PSPH: variants seen among roughly 807,000 people sequenced by gnomAD.
The protein encoded by PSPH is L-3-phosphoserine phosphatase.
In PSPH, 16 loss-of-function variants were observed where a neutral mutation model predicts 23.4. The ratio of observed to expected loss-of-function variants is 0.68; its 90% confidence interval spans 0.46 to 1.04. The LOEUF (loss-of-function observed/expected upper bound fraction) is 1.04, where lower values mean the gene tolerates loss of function less well. Ranked by LOEUF, PSPH falls within the 50% of genes least tolerant of loss-of-function variation. The pLI is 0.00. For synonymous variants in PSPH, 68 were observed against 99.7 expected (o/e 0.68, Z 1.89); for missense variants, 223 against 273.7 (o/e 0.81, Z 1.31).
At chr7:56,020,728 C>CTGA (rs1789260636) in intron 4 of PSPH, among the ~76,000 whole-genome samples, 1 of 151,104 alleles carries the variant, frequency 6.6e-6, no homozygotes, top group African/African-American at 2.4e-5. Context: ...GAGAGGGGAT[C>CTGA]TGACCCAGGA....
chr7:56,044,185 G>C (rs183434009), intron 1 of PSPH, among the ~76,000 whole-genome samples: 2 of 152,176 alleles, frequency 1.3e-5, no homozygotes, highest in East Asian at 3.9e-4. Context: ...CAGGTGGTCT[G>C]TCCACCTTGG....
intron 3 of PSPH, among the ~76,000 whole-genome samples, chr7:56,025,220 A>G (rs1241500458): frequency 6.6e-6 from 1 of 152,078 alleles, no homozygotes; most frequent in Non-Finnish European, 1.5e-5. Flanking sequence ...ATACACATAC[A>G]CACACATTTT....
At chr7:56,031,795 C>A (rs1429111090) in intron 3 of PSPH, 134 bp downstream of exon 3, 1 of 153,318 alleles carries the variant, frequency 6.5e-6, no homozygotes, top group African/African-American at 2.4e-5. Flanking sequence ...GCCTAGGCGA[C>A]AAAGCAAGAC....
At chr7:56,042,043 T>A (rs1474353354) in intron 1 of PSPH, among the ~76,000 whole-genome samples, 1 of 151,440 alleles carries the variant, frequency 6.6e-6, no homozygotes, top group African/African-American at 2.4e-5. Context: ...GCCAACAGGG[T>A]GAAACCTCGT....
intron 3 of PSPH, among the ~76,000 whole-genome samples, chr7:56,023,447 A>G (rs1183547352): frequency 3.3e-5 from 5 of 151,752 alleles, no homozygotes; most frequent in African/African-American, 1.2e-4. Context: ...TTTTTTGAAG[A>G]GATGGGGGTC....
At chr7:56,045,683 C>T (rs1016719760) in intron 1 of PSPH, among the ~76,000 whole-genome samples, 6 of 151,670 alleles carry the variant, frequency 4.0e-5, no homozygotes, top group Admixed American at 1.3e-4. Context: ...GTCAGGATAT[C>T]GAGACCATCC....
intron 7 of PSPH, among the ~76,000 whole-genome samples, chr7:56,013,058 T>C (rs1447526703): frequency 1.1e-5 from 1 of 90,174 alleles, no homozygotes; most frequent in Non-Finnish European, 2.6e-5. Context: ...CACATATATG[T>C]ATATGTGTAT....
intron 5 of PSPH, among the ~76,000 whole-genome samples, chr7:56,018,375 G>A (rs1201343648): frequency 6.6e-6 from 1 of 151,850 alleles, no homozygotes; most frequent in African/African-American, 2.4e-5. Flanking sequence ...AAAACAATGG[G>A]TAGGGTTTGT....
chr7:56,038,807 C>T (rs1021685788), intron 1 of PSPH, among the ~76,000 whole-genome samples: 1 of 152,016 alleles, frequency 6.6e-6, no homozygotes, highest in African/African-American at 2.4e-5. Flanking sequence ...CGCCACTGCA[C>T]TCCAGCCTGG....
In PSPH at chr7:56,015,153, T is replaced by G; in HGVS notation, c.440A>C (p.Asp147Ala). Residue 147 changes from aspartate to alanine, a missense_variant, in exon 7 of 8, where the codon GAT becomes GCT. Transcript: ENST00000275605. ...AGATTCAGCTGTTGGCTGCGTCTCA[T>G]CAAAACCTGCATATTCACCTTAAAA... ...FYFNGEYAGF[D>A]ETQPTAESGG... 1 of 1,614,000 alleles carries G rather than the reference T, an allele frequency of 6.2e-7. No homozygotes were observed. The highest frequency in any genetic ancestry group is 8.5e-7 in the Non-Finnish European group (1 of 1,179,988).
intron 3 of PSPH, among the ~76,000 whole-genome samples, chr7:56,023,266 T>G (rs1002309342): frequency 2.2e-5 from 3 of 137,208 alleles, no homozygotes; most frequent in Admixed American, 1.4e-4. Flanking sequence ...CAAAACAAAT[T>G]TTTTTTTTTT....
intron 5 of PSPH, among the ~76,000 whole-genome samples, chr7:56,018,599 A>G (rs536757789): frequency 2.0e-5 from 3 of 152,232 alleles, no homozygotes; most frequent in Admixed American, 1.3e-4. Flanking sequence ...AGGCCAAGGT[A>G]GAAAATCACT....
At chr7:56,025,456 C>A (rs1157346923) in intron 3 of PSPH, among the ~76,000 whole-genome samples, 1 of 151,948 alleles carries the variant, frequency 6.6e-6, no homozygotes, top group Non-Finnish European at 1.5e-5. Flanking sequence ...TGGTGTTTTA[C>A]CATGTTGCCC....
chr7:56,044,554 A>G (rs1168196819), intron 1 of PSPH, among the ~76,000 whole-genome samples: 1 of 152,216 alleles, frequency 6.6e-6, no homozygotes, highest in African/African-American at 2.4e-5. Context: ...ATCACATTTA[A>G]TTAACAGTGT....
intron 1 of PSPH, among the ~76,000 whole-genome samples, chr7:56,049,208 G>A (rs895192712): frequency 6.0e-5 from 9 of 151,110 alleles, no homozygotes; most frequent in Non-Finnish European, 7.4e-5. Context: ...ACAGGCATAA[G>A]CCACTGCGTC....
At chr7:56,017,553 T>C (rs1352823133) in intron 5 of PSPH, among the ~76,000 whole-genome samples, 174 bp from the exon 6 acceptor site, 1 of 151,910 alleles carries the variant, frequency 6.6e-6, no homozygotes, top group African/African-American at 2.4e-5. Flanking sequence ...ATGTTTTTCT[T>C]TTTCTTTTTT....
chr7:56,019,610 G>C lies in PSPH; in HGVS notation c.265C>G (p.Pro89Ala). ...LIAEQPPHLT[P>A]GIRELVSRLQ... Reference sequence around the variant, plus strand: ...CGGGGTTCCTCTTACCTTATGCCGGGGGTCAGGTGTGGGGGTTGCTCTGCT... The same window carrying C: ...CGGGGTTCCTCTTACCTTATGCCGGCGGTCAGGTGTGGGGGTTGCTCTGCT... Residue 89 changes from proline to alanine, a missense_variant, in exon 5 of 8, where the codon CCC becomes GCC. Coordinates refer to ENST00000275605, the MANE Select transcript of PSPH (RefSeq NM_004577.4). 1 of 1,613,678 alleles carries C rather than the reference G, an allele frequency of 6.2e-7. No homozygotes were observed. Among genetic ancestry groups the C allele is most frequent in the Admixed American group, 1.7e-5 (1 of 59,996 alleles).
chr7:56,016,488 T>C (rs1788580817), intron 6 of PSPH, among the ~76,000 whole-genome samples: 1 of 151,178 alleles, frequency 6.6e-6, no homozygotes, highest in Admixed American at 6.6e-5. Context: ...GTGGCACCGC[T>C]ATGGACCAGA....
intron 1 of PSPH, among the ~76,000 whole-genome samples, chr7:56,050,576 G>A (rs1793895264): frequency 6.6e-6 from 1 of 152,100 alleles, no homozygotes; most frequent in Admixed American, 6.6e-5. Flanking sequence ...CCCTAGTTGA[G>A]TCATTCTTAC....
Sources: gnomAD v4.1 joint callset for allele counts (sites outside exome capture counted in the v4.1 genomes callset) on GRCh38, gnomAD v4.1.1 for gene constraint, MANE v1.5 for transcripts, NCBI Gene and HGNC (gene_info 2026-07-23, HGNC 2026-07-21) for gene names.